FHOD3: variants seen among roughly 807,000 people sequenced by gnomAD.
FHOD3 encodes the protein FH1/FH2 domain-containing protein 3.
Under a neutral mutation model 173.0 loss-of-function variants are expected in FHOD3, and 90 were observed. The ratio of observed to expected loss-of-function variants is 0.52; its 90% CI spans 0.44 to 0.62. FHOD3 has a LOEUF of 0.62. Among genes scored for constraint, FHOD3 ranks in the 20% least tolerant of loss-of-function variants. The pLI is 0.00. For synonymous variants in FHOD3, 828 were observed against 823.0 expected (o/e 1.01, Z -0.10); for missense variants, 1,945 against 2,034.7 (o/e 0.96, Z 0.85).
At chr18:36,465,186 G>C (rs1204348861) in intron 3 of FHOD3, among the ~76,000 whole-genome samples, 7 of 152,062 alleles carry the variant, frequency 4.6e-5, no homozygotes, top group Non-Finnish European at 1.0e-4. Flanking sequence ...AAATTAGCTG[G>C]GCATGGTGGC....
intron 4 of FHOD3, among the ~76,000 whole-genome samples, chr18:36,504,131 G>C (rs1235776348): frequency 6.6e-6 from 1 of 152,106 alleles, no homozygotes; most frequent in African/African-American, 2.4e-5. Context: ...ATATTGGCCA[G>C]GCTGGGCTCA....
chr18:36,642,455 T>C lies in FHOD3; in HGVS notation c.1197-6861T>C, dbSNP rs367867879. Among the ~76,000 whole-genome samples the C allele has an allele frequency of 8.5e-3, 1,288 of 151,874 alleles. 11 individuals carry two copies. Among genetic ancestry groups the C allele is most frequent in the Middle Eastern group, 0.02 (6 of 294 alleles). On this transcript the variant is annotated intron_variant, in intron 10 of 28. Transcript: ENST00000590592. ...TAACACGGTGAAACCCCGTCTCTACTAAAAATACAAAAAATTAGCCGGGCG... is the reference window on the plus strand; with the variant it reads ...TAACACGGTGAAACCCCGTCTCTACCAAAAATACAAAAAATTAGCCGGGCG...
intron 5 of FHOD3, among the ~76,000 whole-genome samples, chr18:36,539,249 T>C (rs1208111093): frequency 6.6e-6 from 1 of 152,240 alleles, no homozygotes; most frequent in Non-Finnish European, 1.5e-5. Context: ...CAGTACTACA[T>C]ACTATATTCT....
At chr18:36,726,247 G>A (rs955964814) in intron 19 of FHOD3, among the ~76,000 whole-genome samples, 1 of 151,828 alleles carries the variant, frequency 6.6e-6, no homozygotes, top group Admixed American at 6.6e-5. Context: ...AGGAACATGA[G>A]GTTTCTCATT....
intron 3 of FHOD3, among the ~76,000 whole-genome samples, chr18:36,460,064 A>G (rs1236662114): frequency 6.6e-6 from 1 of 152,196 alleles, no homozygotes; most frequent in Non-Finnish European, 1.5e-5. Flanking sequence ...TCATCATTAG[A>G]ATGGGGTTAT....
intron 14 of FHOD3, among the ~76,000 whole-genome samples, chr18:36,673,292 T>C (rs2037650587): frequency 6.6e-6 from 1 of 152,224 alleles, no homozygotes; most frequent in African/African-American, 2.4e-5. Flanking sequence ...TTACTGTTTA[T>C]GCATTAAAAA....
At chr18:36,745,509 C>T (rs950148450) in intron 23 of FHOD3, among the ~76,000 whole-genome samples, 31 of 152,134 alleles carry the variant, frequency 2.0e-4, no homozygotes, top group African/African-American at 7.2e-4. Flanking sequence ...CCTGTTGGTG[C>T]CACAGATCCT....
rs1174963460 is a variant in FHOD3, at chr18:36,730,714, T to C, written c.3486T>C (p.Asn1162=). The stretch of plus-strand genomic sequence containing the variant: ...ATTCCAAGAGGAGTAACGCCATCAA[T>C]ATTGGTCTGACGGTGCTGCCCCCTC... ...VLDSKRSNAI[N]IGLTVLPPPR... Residue 1162 remains asparagine (N), a synonymous_variant, in exon 20 of 29, where the codon AAT becomes AAC. Coordinates refer to ENST00000590592, the MANE Select transcript of FHOD3 (RefSeq NM_001281740.3). The C allele has an allele frequency of 3.1e-6, 5 of 1,614,148 alleles. No homozygotes were observed. Among genetic ancestry groups the C allele is most frequent in the Middle Eastern group, 1.6e-4 (1 of 6,062 alleles).
chr18:36,417,037 G>A lies in FHOD3; in HGVS notation c.337+44293G>A, dbSNP rs2049692051. 3.3e-5 allele frequency among the ~76,000 whole-genome samples: 5 copies of A among 151,954 alleles called. No homozygotes were observed. The South Asian group carries it at 1.0e-3, about 32-fold the overall frequency. Reference sequence around the variant, plus strand: ...ACACACACGTACATACACATGCACAGTTTTTTATATATACACATATTTGTA... The same window carrying A: ...ACACACACGTACATACACATGCACAATTTTTTATATATACACATATTTGTA... On this transcript the variant is annotated intron_variant, in intron 3 of 28. Transcript: ENST00000590592.
chr18:36,388,571 A>G (rs2048139140), intron 3 of FHOD3, among the ~76,000 whole-genome samples: 1 of 152,204 alleles, frequency 6.6e-6, no homozygotes, highest in Non-Finnish European at 1.5e-5. Context: ...TCCTCTCGGC[A>G]GAGCCTGGGT....
chr18:36,519,095 T>C (rs1001387992), intron 5 of FHOD3, among the ~76,000 whole-genome samples: 12 of 152,212 alleles, frequency 7.9e-5, no homozygotes, highest in Non-Finnish European at 1.5e-5. Flanking sequence ...TGCCACCCAC[T>C]GTCACTGTGC....
chr18:36,394,590 G>A (rs112863063), intron 3 of FHOD3, among the ~76,000 whole-genome samples: 162 of 152,282 alleles, frequency 1.1e-3, no homozygotes, highest in African/African-American at 3.8e-3. Flanking sequence ...TGAAGTTTGA[G>A]TTGTCCCATT....
Position 36,658,078 on chromosome 18 carries a change from C to T in FHOD3, c.1725C>T (p.Tyr575=), listed in dbSNP as rs1361187635. The part of the protein sequence containing the change: ...YHFRSFSSNR[Y]SNFGNNSYHS... ...CTTAAACCTCTGCACTTCTTAGATA[C>T]AGCAATTTTGGCAATAACTCTTATC... The change falls in exon 14 of 29, where the codon TAC becomes TAT. Residue 575 remains tyrosine (Y), a synonymous_variant. Coordinates refer to ENST00000590592, the MANE Select transcript of FHOD3 (RefSeq NM_001281740.3). 2 of 1,605,730 alleles carry T rather than the reference C, an allele frequency of 1.2e-6. No individual in the cohort carries two copies. The highest frequency in any genetic ancestry group is 1.7e-6 in the Non-Finnish European group (2 of 1,175,986).
intron 5 of FHOD3, among the ~76,000 whole-genome samples, chr18:36,548,050 G>C (rs1015012341): frequency 6.6e-6 from 1 of 152,140 alleles, no homozygotes; most frequent in Non-Finnish European, 1.5e-5. Flanking sequence ...AAATTAGTTG[G>C]TCGTGATGGT....
intron 3 of FHOD3, among the ~76,000 whole-genome samples, chr18:36,404,173 G>T (rs1315024693): frequency 6.6e-6 from 1 of 152,170 alleles, no homozygotes; most frequent in Non-Finnish European, 1.5e-5. Context: ...CTGTCTCTTG[G>T]TCCTGCCCTC....
At chr18:36,463,224 T>G (rs909837324) in intron 3 of FHOD3, among the ~76,000 whole-genome samples, 2 of 151,148 alleles carry the variant, frequency 1.3e-5, no homozygotes, top group African/African-American at 4.9e-5. Flanking sequence ...TTATCTCTGT[T>G]CATTTAGAAT....
intron 18 of FHOD3, among the ~76,000 whole-genome samples, chr18:36,713,959 A>G (rs1393852759): frequency 6.6e-6 from 1 of 152,222 alleles, no homozygotes; most frequent in African/African-American, 2.4e-5. Context: ...ACACAATTAT[A>G]TACCATATAT....
At chr18:36,649,243 T>C in intron 10 of FHOD3, 73 bp from the exon 11 acceptor site, 3 of 1,027,706 alleles carry the variant, frequency 2.9e-6, no homozygotes, top group Non-Finnish European at 4.3e-6. Flanking sequence ...TTCATCTTCC[T>C]GTTTGTCTGT....
In FHOD3 at chr18:36,649,411, T is replaced by C; in HGVS notation, c.1286+6T>C. The C allele has an allele frequency of 6.5e-7, 1 of 1,533,904 alleles. No homozygotes were observed. Among genetic ancestry groups the C allele is most frequent in the Non-Finnish European group, 8.7e-7 (1 of 1,145,304 alleles). On this transcript the variant is annotated splice_donor_region_variant and intron_variant, in intron 11 of 28. Coordinates refer to ENST00000590592, the MANE Select transcript of FHOD3 (RefSeq NM_001281740.3). ...TCCTGTCAGGGCAAGGACAGGTACC[T>C]AGGACTGGAGCCTCCCAAGCTCACA...
Sources: gnomAD v4.1 joint callset for allele counts (sites outside exome capture counted in the v4.1 genomes callset) on GRCh38, gnomAD v4.1.1 for gene constraint, MANE v1.5 for transcripts, NCBI Gene and HGNC (gene_info 2026-07-23, HGNC 2026-07-21) for gene names.